Variants in ULK4 observed in about 807,000 individuals in gnomAD.
ULK4 encodes the protein inactive serine/threonine-protein kinase ULK4.
A neutral mutation model predicts 160.6 loss-of-function variants in ULK4; 133 were observed. That is an observed-to-expected ratio of 0.83 (90% CI 0.72 to 0.96). The LOEUF is 0.96. ULK4 is among the 40% of genes least tolerant of loss of function. ULK4 has a pLI of 0.00. For missense variants in ULK4, 1,580 were observed against 1,499.5 expected, an observed-to-expected ratio of 1.05 and a Z score of -0.89; for synonymous variants, 534 against 539.8, an observed-to-expected ratio of 0.99 and a Z score of 0.15.
chr3:41,706,840 A>AT (rs1261207514), intron 25 of ULK4, among the ~76,000 whole-genome samples: 2,081 of 130,626 alleles, frequency 0.016, 62 homozygotes, highest in African/African-American at 0.074. Context: ...AAAAAAAAAA[A>AT]AAAAAAATAT....
chr3:41,831,031 T>G (rs73079340), intron 18 of ULK4, among the ~76,000 whole-genome samples: 23,110 of 151,196 alleles, frequency 0.15, 2,251 homozygotes, highest in Admixed American at 0.23. Context: ...TTTATTTATT[T>G]ATTGATTTAT....
intron 21 of ULK4, among the ~76,000 whole-genome samples, chr3:41,756,857 C>T (rs74768993): frequency 0.029 from 4,430 of 152,076 alleles, 209 homozygotes; most frequent in African/African-American, 0.1. Flanking sequence ...AAAATAAACA[C>T]AAAATGATTC....
intron 35 of ULK4, among the ~76,000 whole-genome samples, chr3:41,341,224 T>C (rs895641118): frequency 6.6e-6 from 1 of 152,242 alleles, no homozygotes; most frequent in Non-Finnish European, 1.5e-5. Context: ...TTGCAGTTCA[T>C]GTTTCAGAAT....
At chr3:41,370,594 G>C (rs2081344515) in intron 35 of ULK4, among the ~76,000 whole-genome samples, 1 of 152,206 alleles carries the variant, frequency 6.6e-6, no homozygotes, top group African/African-American at 2.4e-5. Flanking sequence ...GAAGCCATGA[G>C]GGACTGTGCC....
At chr3:41,348,782 C>T (rs998651236) in intron 35 of ULK4, among the ~76,000 whole-genome samples, 4 of 152,132 alleles carry the variant, frequency 2.6e-5, no homozygotes, top group East Asian at 1.9e-4. Flanking sequence ...AATTTACAGA[C>T]GTATCAGATT....
intron 27 of ULK4, among the ~76,000 whole-genome samples, chr3:41,699,828 T>C (rs1198295653): frequency 6.6e-6 from 1 of 152,214 alleles, no homozygotes; most frequent in African/African-American, 2.4e-5. Context: ...TTAAAAAATA[T>C]TTTTATGAAG....
At chr3:41,575,373 T>C (rs540405367) in intron 31 of ULK4, among the ~76,000 whole-genome samples, 2 of 152,214 alleles carry the variant, frequency 1.3e-5, no homozygotes, top group South Asian at 4.2e-4. Flanking sequence ...GCCAACGTGG[T>C]CGGGGCTTCT....
intron 18 of ULK4, among the ~76,000 whole-genome samples, chr3:41,824,560 G>C (rs185661912): frequency 6.6e-6 from 1 of 152,246 alleles, no homozygotes; most frequent in Non-Finnish European, 1.5e-5. Context: ...ATGAAGCCTC[G>C]CTCATTGCTA....
At chr3:41,955,567 C>T (rs2272006) in intron 1 of ULK4, 104,755 of 153,644 alleles carry the variant, frequency 0.68, 39,413 homozygotes, top group East Asian at 0.83. Flanking sequence ...CAAGTTCATG[C>T]GGGACATTAT....
At chr3:41,325,086 C>T (rs1377858278) in intron 35 of ULK4, among the ~76,000 whole-genome samples, 1 of 152,166 alleles carries the variant, frequency 6.6e-6, no homozygotes, top group Non-Finnish European at 1.5e-5. Context: ...CTGATTTCTT[C>T]ACAGTGTAAC....
chr3:41,268,470 G>C, intron 35 of ULK4, among the ~76,000 whole-genome samples: 1 of 152,128 alleles, frequency 6.6e-6, no homozygotes, highest in Non-Finnish European at 1.5e-5. Context: ...AGGTCCTTCT[G>C]GGCTGCCCAA....
intron 22 of ULK4, among the ~76,000 whole-genome samples, chr3:41,721,362 A>ATATTTTTT (rs1553639902): frequency 3.6e-5 from 1 of 27,932 alleles, no homozygotes; most frequent in Non-Finnish European, 5.7e-5. Context: ...ATATATATAT[A>ATATTTTTT]TTTTTTTTTT....
intron 35 of ULK4, among the ~76,000 whole-genome samples, chr3:41,391,829 C>CCT (rs540722166): frequency 4.7e-4 from 72 of 152,158 alleles, no homozygotes; most frequent in African/African-American, 1.6e-3. Flanking sequence ...TGTAACATAT[C>CCT]CTTAATGCTA....
intron 27 of ULK4, among the ~76,000 whole-genome samples, chr3:41,692,231 G>A (rs184164011): frequency 1.1e-3 from 166 of 148,778 alleles, no homozygotes; most frequent in African/African-American, 3.9e-3. Flanking sequence ...GATTACAGGC[G>A]TGAGCCACCG....
At chr3:41,538,573 T>C (rs2086591523) in intron 32 of ULK4, among the ~76,000 whole-genome samples, 1 of 152,106 alleles carries the variant, frequency 6.6e-6, no homozygotes, top group Non-Finnish European at 1.5e-5. Flanking sequence ...CTGAACACAA[T>C]GAAAAATACA....
intron 32 of ULK4, among the ~76,000 whole-genome samples, chr3:41,476,453 G>T (rs1184359291): frequency 6.6e-6 from 1 of 152,126 alleles, no homozygotes; most frequent in African/African-American, 2.4e-5. Flanking sequence ...CAAGGATATT[G>T]CCAAGGCTGT....
rs540440610 is a variant in ULK4 at position 41,655,433 on chromosome 3, C to T, written c.3071+8174G>A. On this transcript the variant is annotated intron_variant, in intron 30 of 36. Coordinates refer to ENST00000301831, the MANE Select transcript of ULK4 (RefSeq NM_017886.4). ...AGGAGATATACCTAATGCTAAATGACGAGTTAATGGGTGCAGCACACCAAC... is the reference window on the plus strand; with the variant it reads ...AGGAGATATACCTAATGCTAAATGATGAGTTAATGGGTGCAGCACACCAAC... 1.0e-3 allele frequency among the ~76,000 whole-genome samples: 151 copies of T among 151,080 alleles called. 1 individual carries two copies. The highest frequency in any genetic ancestry group is 3.5e-3 in the African/African-American group (145 of 41,142).
intron 12 of ULK4, among the ~76,000 whole-genome samples, chr3:41,906,800 A>G (rs957997444): frequency 6.6e-6 from 1 of 152,074 alleles, no homozygotes; most frequent in African/African-American, 2.4e-5. Context: ...CAAGACCATC[A>G]TGGTCAACAT....
chr3:41,960,849 TAA>T (rs1700640624), intron 1 of ULK4, among the ~76,000 whole-genome samples: 2 of 152,156 alleles, frequency 1.3e-5, no homozygotes, highest in Admixed American at 1.3e-4. Context: ...AATGAATTAC[TAA>T]AGAGGGACAC....
Sources: allele counts gnomAD v4.1 joint callset (sites outside exome capture counted in the v4.1 genomes callset), GRCh38; gene constraint gnomAD v4.1.1; transcripts MANE v1.5; gene names NCBI Gene and HGNC (gene_info 2026-07-23, HGNC 2026-07-21).